The following CSMD1 variants were observed in gnomAD, a reference collection of about 807,000 sequenced individuals.
CSMD1 encodes the protein CUB and Sushi multiple domains 1.
CSMD1 carries 213 observed loss-of-function variants against 417.5 expected under a neutral mutation model. The ratio of observed to expected loss-of-function variants is 0.51; its 90% CI spans 0.46 to 0.57. The LOEUF is 0.57. Among genes scored for constraint, CSMD1 ranks in the 20% least tolerant of loss-of-function variants. The pLI, the probability that CSMD1 is intolerant of heterozygous loss-of-function variation, is 0.00. For synonymous variants in CSMD1, 2,862 were observed against 1,736.8 expected, an observed-to-expected ratio of 1.65 and a Z score of -16.11; for missense variants, 6,923 against 4,529.7, an observed-to-expected ratio of 1.53 and a Z score of -15.17.
chr8:3,720,538 C>G (rs1467054624), intron 6 of CSMD1, among the ~76,000 whole-genome samples: 2 of 151,864 alleles, frequency 1.3e-5, no homozygotes, highest in African/African-American at 2.4e-5. Context: ...TGTCTCAACA[C>G]TGGGGGCTAA....
rs1801326575 is a variant in CSMD1 at position 4,849,269 on chromosome 8, T to C, written c.85+145063A>G. On this transcript the variant is annotated intron_variant, in intron 1 of 69. Transcript: ENST00000635120. Reference sequence around the variant, plus strand: ...ATTGTACACCTGTGCATGTGTTTCATATTTTAATGTGTTATTACAAAAGAG... The same window carrying C: ...ATTGTACACCTGTGCATGTGTTTCACATTTTAATGTGTTATTACAAAAGAG... Among the ~76,000 whole-genome samples, 4 of 152,334 alleles carry C rather than the reference T, an allele frequency of 2.6e-5. No homozygotes were observed. In the South Asian group the frequency reaches 6.2e-4, roughly 24 times the overall value.
intron 1 of CSMD1, among the ~76,000 whole-genome samples, chr8:4,827,773 T>A (rs190150565): frequency 6.6e-6 from 1 of 152,182 alleles, no homozygotes; most frequent in Non-Finnish European, 1.5e-5. Flanking sequence ...TCATTAAAGA[T>A]TGAAATTCAG....
intron 54 of CSMD1, among the ~76,000 whole-genome samples, chr8:2,980,734 T>C (rs1007473067): frequency 1.3e-5 from 2 of 152,176 alleles, no homozygotes; most frequent in African/African-American, 4.8e-5. Flanking sequence ...ACTCTTGCCG[T>C]GGAAAGAGGT....
intron 3 of CSMD1, among the ~76,000 whole-genome samples, chr8:4,288,992 A>G (rs1797213066): frequency 6.6e-6 from 1 of 152,224 alleles, no homozygotes; most frequent in Non-Finnish European, 1.5e-5. Flanking sequence ...AATAATTTAA[A>G]AACACAGCAC....
chr8:4,772,835 T>C (rs1240443605), intron 1 of CSMD1, among the ~76,000 whole-genome samples: 2 of 152,198 alleles, frequency 1.3e-5, no homozygotes, highest in Non-Finnish European at 2.9e-5. Flanking sequence ...AAGTTTGATA[T>C]GTATGTCTGC....
chr8:4,410,010 C>T (rs1563143831), intron 3 of CSMD1, among the ~76,000 whole-genome samples: 1 of 152,088 alleles, frequency 6.6e-6, no homozygotes, highest in Admixed American at 6.6e-5. Context: ...GATGGGATTT[C>T]ACCATGTTGG....
chr8:3,616,261 C>T (rs1489109061), intron 8 of CSMD1, among the ~76,000 whole-genome samples: 1 of 152,186 alleles, frequency 6.6e-6, no homozygotes, highest in Non-Finnish European at 1.5e-5. Flanking sequence ...CAGTTACCCT[C>T]ATGCTGTTCT....
chr8:4,424,570 G>A (rs532232825), intron 2 of CSMD1, among the ~76,000 whole-genome samples: 1 of 152,098 alleles, frequency 6.6e-6, no homozygotes, highest in East Asian at 1.9e-4. Context: ...CTAGAACGTG[G>A]AGAAAATTGG....
intron 4 of CSMD1, among the ~76,000 whole-genome samples, chr8:4,015,600 C>G (rs1408938220): frequency 7.1e-6 from 1 of 141,548 alleles, no homozygotes; most frequent in African/African-American, 2.6e-5. Flanking sequence ...GGCCCAATGA[C>G]TATCATTCAG....
At chr8:4,015,486 A>C (rs1258860957) in intron 4 of CSMD1, among the ~76,000 whole-genome samples, 1 of 152,084 alleles carries the variant, frequency 6.6e-6, no homozygotes, top group Non-Finnish European at 1.5e-5. Flanking sequence ...CAATTAAAGA[A>C]AACCACAGCT....
In CSMD1 at chr8:3,258,002, G is replaced by A. The variant is rs111269641; in HGVS notation, c.4153+26142C>T. Among the ~76,000 whole-genome samples the A allele has an allele frequency of 2.1e-3, 324 of 152,286 alleles. 3 individuals are homozygous for A. Among genetic ancestry groups the A allele is most frequent in the African/African-American group, 7.0e-3 (292 of 41,554 alleles). On this transcript the variant is annotated intron_variant, in intron 26 of 69. Coordinates refer to ENST00000635120, the MANE Select transcript of CSMD1 (RefSeq NM_033225.6). The stretch of plus-strand genomic sequence containing the variant: ...AGGTGGAAGGCTATTGCAGGGGCAC[G>A]GCAGGAGATTGGAGGAGACTCAGCC...
chr8:4,200,859 A>G (rs1005278728), intron 3 of CSMD1, among the ~76,000 whole-genome samples: 3 of 151,830 alleles, frequency 2.0e-5, no homozygotes, highest in African/African-American at 7.3e-5. Context: ...CCCTGTCTCA[A>G]AATAATGATG....
chr8:3,143,334 T>G (rs1818623851), intron 40 of CSMD1, among the ~76,000 whole-genome samples: 1 of 152,192 alleles, frequency 6.6e-6, no homozygotes, highest in African/African-American at 2.4e-5. Context: ...TATTGATGTT[T>G]GTGAGAAACC....
intron 8 of CSMD1, among the ~76,000 whole-genome samples, chr8:3,588,755 C>A (rs920028860): frequency 6.8e-6 from 1 of 147,582 alleles, no homozygotes; most frequent in Non-Finnish European, 1.5e-5. Context: ...AAAACCCTTA[C>A]GCACAGTAAA....
intron 68 of CSMD1, among the ~76,000 whole-genome samples, chr8:2,945,086 C>G (rs1802130803): frequency 6.6e-6 from 1 of 152,130 alleles, no homozygotes; most frequent in Admixed American, 6.6e-5. Flanking sequence ...GGTTAATATA[C>G]ACACATTGTG....
chr8:3,843,660 G>A (rs552945459), intron 5 of CSMD1, among the ~76,000 whole-genome samples: 1 of 152,270 alleles, frequency 6.6e-6, no homozygotes, highest in Admixed American at 6.5e-5. Context: ...CAAAGAGACA[G>A]GCCACGGAGT....
At chr8:4,517,686 C>G (rs1455230367) in intron 2 of CSMD1, among the ~76,000 whole-genome samples, 1 of 152,168 alleles carries the variant, frequency 6.6e-6, no homozygotes, top group Non-Finnish European at 1.5e-5. Context: ...TGTTAATAAT[C>G]AAACACTCAA....
At chr8:4,615,998 T>G (rs535704632) in intron 2 of CSMD1, among the ~76,000 whole-genome samples, 1 of 152,164 alleles carries the variant, frequency 6.6e-6, no homozygotes, top group Non-Finnish European at 1.5e-5. Context: ...CATCACCTTT[T>G]CGGTTAGATA....
At chr8:3,724,473 A>T (rs552782850) in intron 6 of CSMD1, among the ~76,000 whole-genome samples, 2 of 152,282 alleles carry the variant, frequency 1.3e-5, no homozygotes, top group Admixed American at 1.3e-4. Context: ...TATATTAAGT[A>T]TTGGTAGCTA....
Sources: gnomAD v4.1 joint callset for allele counts (sites outside exome capture counted in the v4.1 genomes callset) on GRCh38, gnomAD v4.1.1 for gene constraint, MANE v1.5 for transcripts, NCBI Gene and HGNC (gene_info 2026-07-23, HGNC 2026-07-21) for gene names.